NEGR1: variants seen among roughly 807,000 people sequenced by gnomAD.
NEGR1 encodes the protein IgLON family member 4.
NEGR1 carries 10 observed loss-of-function variants against 40.9 expected under a neutral mutation model. The ratio of observed to expected loss-of-function variants is 0.24; its 90% CI spans 0.15 to 0.42. The LOEUF (loss-of-function observed/expected upper bound fraction) is 0.42, where lower values mean the gene tolerates loss of function less well. NEGR1 is among the 10% of genes least tolerant of loss of function. NEGR1 has a pLI of 1.00. For synonymous variants in NEGR1, 185 were observed against 166.8 expected, an observed-to-expected ratio of 1.11 and a Z score of -0.84; for missense variants, 352 against 438.9, an observed-to-expected ratio of 0.80 and a Z score of 1.77.
At chr1:71,451,447 C>T (rs914662539) in intron 6 of NEGR1, among the ~76,000 whole-genome samples, 15 of 151,528 alleles carry the variant, frequency 9.9e-5, no homozygotes, top group Admixed American at 7.2e-4. Flanking sequence ...GATTCTCCTG[C>T]CTCAGCCTCC....
rs1656196778 is a variant in NEGR1, at chr1:71,768,217, AC to A, written c.535+7954del. Among the ~76,000 whole-genome samples the A allele has an allele frequency of 2.6e-5, 4 of 152,222 alleles. No homozygotes were observed. In the South Asian group the frequency reaches 8.3e-4, roughly 32 times the overall value. On this transcript the variant is annotated intron_variant, in intron 3 of 6. Transcript: ENST00000357731. Reference sequence around the variant, plus strand: ...GATCCACTGACAGCTTGTACCCTACACCTGGAAAAGCAGCAACCACTCAACA... The same window carrying A: ...GATCCACTGACAGCTTGTACCCTACACTGGAAAAGCAGCAACCACTCAACA...
chr1:71,688,964 T>C (rs1016061095), intron 4 of NEGR1, among the ~76,000 whole-genome samples: 1 of 152,144 alleles, frequency 6.6e-6, no homozygotes, highest in Non-Finnish European at 1.5e-5. Context: ...CCATAGTTTA[T>C]AAGTGACTGA....
At chr1:71,563,411 C>A (rs895534977) in intron 6 of NEGR1, among the ~76,000 whole-genome samples, 5 of 151,950 alleles carry the variant, frequency 3.3e-5, no homozygotes, top group African/African-American at 4.8e-5. Flanking sequence ...GCCCACAGAG[C>A]ATTTTTGCAG....
At chr1:71,873,764 C>G (rs1308706106) in intron 2 of NEGR1, among the ~76,000 whole-genome samples, 1 of 152,046 alleles carries the variant, frequency 6.6e-6, no homozygotes, top group African/African-American at 2.4e-5. Context: ...GTGGGTGTTA[C>G]TGTAATAGTT....
At chr1:71,641,725 G>A (rs777889306) in intron 4 of NEGR1, among the ~76,000 whole-genome samples, 6 of 151,934 alleles carry the variant, frequency 3.9e-5, no homozygotes, top group East Asian at 3.9e-4. Context: ...AAGCAGGTGC[G>A]GTACACACTA....
chr1:71,419,368 T>G (rs1366557813), intron 6 of NEGR1, among the ~76,000 whole-genome samples: 2 of 152,216 alleles, frequency 1.3e-5, no homozygotes, highest in African/African-American at 4.8e-5. Flanking sequence ...TTAATTTGGA[T>G]AAATATATCT....
intron 3 of NEGR1, among the ~76,000 whole-genome samples, chr1:71,721,956 G>C (rs1313065075): frequency 1.3e-5 from 2 of 152,050 alleles, no homozygotes; most frequent in Non-Finnish European, 2.9e-5. Flanking sequence ...ACTGAAAGGA[G>C]GCAAGTAGGG....
intron 2 of NEGR1, among the ~76,000 whole-genome samples, chr1:71,870,158 G>A (rs1660238375): frequency 6.6e-6 from 1 of 152,108 alleles, no homozygotes; most frequent in African/African-American, 2.4e-5. Flanking sequence ...AGGATTACAG[G>A]CGTGAGCCAC....
chr1:71,933,859 T>G (rs1645878498), intron 2 of NEGR1, among the ~76,000 whole-genome samples: 2 of 152,108 alleles, frequency 1.3e-5, no homozygotes, highest in South Asian at 4.1e-4. Flanking sequence ...ATCACAAAGT[T>G]AAAATATTTA....
At chr1:71,852,804 A>T (rs886141079) in intron 2 of NEGR1, among the ~76,000 whole-genome samples, 16 of 151,836 alleles carry the variant, frequency 1.1e-4, no homozygotes, top group African/African-American at 3.6e-4. Flanking sequence ...AAAAAAAAAA[A>T]GCTGATGTGA....
chr1:72,176,405 A>G lies in NEGR1; in HGVS notation c.176+105914T>C, dbSNP rs181031187. On this transcript the variant is annotated intron_variant, in intron 1 of 6. Transcript: ENST00000357731. Reference sequence around the variant, plus strand: ...ACACAATCTTAAGACTTTGCCATCAATATATTCAAACTCTAATGGAGAAGA... The same window carrying G: ...ACACAATCTTAAGACTTTGCCATCAGTATATTCAAACTCTAATGGAGAAGA... Among the ~76,000 whole-genome samples the G allele has an allele frequency of 1.6e-3, 241 of 152,232 alleles. 1 individual carries two copies. Among genetic ancestry groups the G allele is most frequent in the African/African-American group, 5.5e-3 (229 of 41,558 alleles).
intron 1 of NEGR1, among the ~76,000 whole-genome samples, chr1:71,968,968 T>C (rs142051052): frequency 1.9e-3 from 290 of 152,282 alleles, no homozygotes; most frequent in African/African-American, 6.9e-3. Context: ...AGAGCTGCCA[T>C]GCTGTGAGGG....
At chr1:71,843,887 A>G (rs1659321011) in intron 2 of NEGR1, among the ~76,000 whole-genome samples, 1 of 152,164 alleles carries the variant, frequency 6.6e-6, no homozygotes. Context: ...TCTAATTGGC[A>G]GGAAATGTAA....
intron 2 of NEGR1, among the ~76,000 whole-genome samples, chr1:71,931,422 C>A (rs1179486869): frequency 6.6e-6 from 1 of 152,098 alleles, no homozygotes; most frequent in Non-Finnish European, 1.5e-5. Context: ...CAGAATTTCC[C>A]AGATCGGGTA....
At chr1:71,921,327 G>A (rs568526583) in intron 2 of NEGR1, among the ~76,000 whole-genome samples, 1 of 151,940 alleles carries the variant, frequency 6.6e-6, no homozygotes, top group East Asian at 1.9e-4. Context: ...TTACCAGTTG[G>A]GATACAGCCA....
At chr1:71,903,543 A>C (rs2101865770) in intron 2 of NEGR1, among the ~76,000 whole-genome samples, 1 of 152,126 alleles carries the variant, frequency 6.6e-6, no homozygotes, top group South Asian at 2.1e-4. Flanking sequence ...ATCAAGAAAT[A>C]TCCTAGAAGT....
At chr1:71,448,248 CACAG>C (rs1646597062) in intron 6 of NEGR1, among the ~76,000 whole-genome samples, 1 of 144,448 alleles carries the variant, frequency 6.9e-6, no homozygotes, top group Non-Finnish European at 1.5e-5. Flanking sequence ...AAAAAAAAGA[CACAG>C]AGAGAGAGAG....
intron 1 of NEGR1, among the ~76,000 whole-genome samples, chr1:72,182,291 C>T (rs112312657): frequency 0.2 from 30,900 of 152,000 alleles, 3,732 homozygotes; most frequent in South Asian, 0.28. Flanking sequence ...GCCAGGAGCT[C>T]AAAACCAGCC....
rs1172589239 is a variant in NEGR1 at position 72,026,110 on chromosome 1, C to CAAAAAAA, written c.177-90806_177-90800dup. 6.4e-3 allele frequency among the ~76,000 whole-genome samples: 201 copies of CAAAAAAA among 31,182 alleles called. 9 individuals are homozygous for CAAAAAAA. The highest frequency in any genetic ancestry group is 8.7e-3 in the Non-Finnish European group (135 of 15,440). The allele number at this position is 31,182 out of a possible 152,430, so 20.5% of individuals were successfully genotyped here. On this transcript the variant is annotated intron_variant, in intron 1 of 6. Coordinates refer to ENST00000357731, the MANE Select transcript of NEGR1 (RefSeq NM_173808.3). ...TGGGCGACAGAGCGAGACTCCGTCT[C>CAAAAAAA]AAAAAAAAAAAAAAAAAAAAAAAAA... is the stretch of plus-strand genomic sequence containing the variant.
Sources: allele counts gnomAD v4.1 joint callset (sites outside exome capture counted in the v4.1 genomes callset), GRCh38; gene constraint gnomAD v4.1.1; transcripts MANE v1.5; gene names NCBI Gene and HGNC (gene_info 2026-07-23, HGNC 2026-07-21).